ATP9B: variants seen among roughly 807,000 people sequenced by gnomAD.
ATP9B encodes the protein probable phospholipid-transporting ATPase IIB.
ATP9B carries 110 observed loss-of-function variants against 146.1 expected under a neutral mutation model. The observed-to-expected ratio is 0.75, with a 90% CI of 0.65 to 0.88. ATP9B has a LOEUF of 0.88. Among genes scored for constraint, ATP9B ranks in the 40% least tolerant of loss-of-function variants. The probability of loss-of-function intolerance (pLI) is 0.00; values close to 1 mark genes in which losing one functional copy is unlikely to be tolerated. For missense variants in ATP9B, 1,499 were observed against 1,496.4 expected, an observed-to-expected ratio of 1.00 and a Z score of -0.03; for synonymous variants, 604 against 569.7, an observed-to-expected ratio of 1.06 and a Z score of -0.86.
intron 6 of ATP9B, among the ~76,000 whole-genome samples, chr18:79,148,960 A>G (rs923499985): frequency 6.6e-6 from 1 of 152,208 alleles, no homozygotes; most frequent in African/African-American, 2.4e-5. Context: ...CAGTACTCTT[A>G]CAGTCATTGC....
intron 10 of ATP9B, 45 bp from the exon 11 acceptor site, chr18:79,213,917 C>T (rs778590745): frequency 3.7e-6 from 5 of 1,352,658 alleles, no homozygotes; most frequent in East Asian, 4.9e-5. Flanking sequence ...ATCTTTTACT[C>T]ATCTTTAAAG....
At position 79,374,078 on chromosome 18, in the gene ATP9B, T is replaced by G. The variant is rs774342732; in HGVS notation, c.3251T>G (p.Leu1084Arg). The G allele has an allele frequency of 5.6e-6, 9 of 1,614,130 alleles. No individual in the cohort carries two copies. The African/African-American group carries it at 1.2e-4, about 22-fold the overall frequency. Residue 1084 changes from leucine (L) to arginine (R), a missense_variant, in exon 28 of 30, where the codon CTC becomes CGC. Coordinates refer to ENST00000426216, the MANE Select transcript of ATP9B (RefSeq NM_198531.5). Reference protein sequence around the residue: ...FLSLGCYVSSLAFLNEYFGIG... With the variant: ...FLSLGCYVSSRAFLNEYFGIG... ...AGCTTAGGCTGCTACGTGTCCTCAC[T>G]CGCTTTTCTCAATGAATATTTTGGT...
rs910556676 is a variant in ATP9B at position 79,319,655 on chromosome 18, G to C, written c.1774-9486G>C. On this transcript the variant is annotated intron_variant, in intron 15 of 29. Coordinates refer to ENST00000426216, the MANE Select transcript of ATP9B (RefSeq NM_198531.5). Reference sequence around the variant, plus strand: ...CTCTCCCACGTTGATAGCACAAAAAGATTTAAGGAAACCGGCCTGAAGAAT... The same window carrying C: ...CTCTCCCACGTTGATAGCACAAAAACATTTAAGGAAACCGGCCTGAAGAAT... Among the ~76,000 whole-genome samples, 4 of 152,168 alleles carry C rather than the reference G, an allele frequency of 2.6e-5. No homozygotes were observed. The East Asian group carries it at 5.8e-4, about 22-fold the overall frequency.
chr18:79,343,491 T>G (rs767272828), intron 20 of ATP9B, among the ~76,000 whole-genome samples: 2 of 152,236 alleles, frequency 1.3e-5, no homozygotes, highest in Non-Finnish European at 2.9e-5. Context: ...GATTATGACT[T>G]ACTTTTACTC....
intron 26 of ATP9B, 62 bp downstream of exon 26, chr18:79,359,524 A>T: frequency 7.9e-7 from 1 of 1,260,136 alleles, no homozygotes; most frequent in Non-Finnish European, 1.2e-6. Context: ...ATTTTACACG[A>T]GTGAGAAACA....
intron 12 of ATP9B, among the ~76,000 whole-genome samples, chr18:79,265,353 T>C (rs773454708): frequency 6.6e-5 from 10 of 152,160 alleles, no homozygotes; most frequent in Admixed American, 1.3e-4. Flanking sequence ...TCCTTGTTGG[T>C]TGGGCTGGTC....
chr18:79,176,219 T>C (rs2095167281), intron 7 of ATP9B, among the ~76,000 whole-genome samples: 1 of 152,242 alleles, frequency 6.6e-6, no homozygotes, highest in Admixed American at 6.5e-5. Flanking sequence ...CATTTTGTGC[T>C]TTTGCTATTC....
At chr18:79,100,647 A>T (rs1244980658) in intron 2 of ATP9B, among the ~76,000 whole-genome samples, 2 of 152,194 alleles carry the variant, frequency 1.3e-5, no homozygotes, top group African/African-American at 4.8e-5. Context: ...TTGCAAAAAT[A>T]GTATAGAGGG....
intron 13 of ATP9B, among the ~76,000 whole-genome samples, chr18:79,293,328 A>G (rs2096525273): frequency 6.6e-6 from 1 of 152,124 alleles, no homozygotes; most frequent in Non-Finnish European, 1.5e-5. Flanking sequence ...TTGAAATGTC[A>G]TCCCCAGTGT....
intron 7 of ATP9B, among the ~76,000 whole-genome samples, chr18:79,173,899 A>C (rs2095118415): frequency 6.6e-6 from 1 of 152,186 alleles, no homozygotes; most frequent in Non-Finnish European, 1.5e-5. Flanking sequence ...TCTTCATGGG[A>C]CAATGATAGT....
chr18:79,116,785 G>A (rs1467989816), intron 4 of ATP9B, among the ~76,000 whole-genome samples: 1 of 85,610 alleles, frequency 1.2e-5, no homozygotes, highest in African/African-American at 4.6e-5. Flanking sequence ...GGTCGGGGGA[G>A]GGGGGAGGGA....
chr18:79,323,220 G>A (rs951963527), intron 15 of ATP9B, among the ~76,000 whole-genome samples: 4 of 151,866 alleles, frequency 2.6e-5, no homozygotes, highest in South Asian at 2.1e-4. Context: ...GTTGCTTCGC[G>A]TTAGTAATCC....
chr18:79,256,631 A>G (rs2096084204), intron 12 of ATP9B, among the ~76,000 whole-genome samples: 1 of 151,930 alleles, frequency 6.6e-6, no homozygotes. Context: ...TATTTAGTAA[A>G]GTTTAAAGTT....
At chr18:79,329,071 C>T (rs2096776159) in intron 15 of ATP9B, 70 bp from the exon 16 acceptor site, 2 of 1,404,050 alleles carry the variant, frequency 1.4e-6, no homozygotes, top group African/African-American at 2.9e-5. Context: ...CTGAGCACTG[C>T]CGTGCTGGCT....
chr18:79,252,262 C>G (rs566954349), intron 11 of ATP9B, among the ~76,000 whole-genome samples: 1 of 152,306 alleles, frequency 6.6e-6, no homozygotes, highest in East Asian at 1.9e-4. Context: ...GGAAAACATC[C>G]CAGAATCCCT....
At chr18:79,144,001 T>G in intron 6 of ATP9B, 141 bp downstream of exon 6, 1 of 498,492 alleles carries the variant, frequency 2.0e-6, no homozygotes, top group Non-Finnish European at 3.4e-6. Context: ...TTGTTGTATG[T>G]GAAGAAAAAT....
At chr18:79,133,428 A>T (rs1163414344) in intron 5 of ATP9B, among the ~76,000 whole-genome samples, 1 of 151,848 alleles carries the variant, frequency 6.6e-6, no homozygotes, top group Admixed American at 6.6e-5. Flanking sequence ...AACACCTTCC[A>T]TTTTTTATTA....
At chr18:79,306,370 C>T (rs747386652) in intron 14 of ATP9B, among the ~76,000 whole-genome samples, 5 of 152,176 alleles carry the variant, frequency 3.3e-5, no homozygotes, top group Non-Finnish European at 7.4e-5. Flanking sequence ...GAGCCAGGCA[C>T]ACACATAAGC....
At chr18:79,347,096 C>T (rs946091217) in intron 23 of ATP9B, among the ~76,000 whole-genome samples, 4 of 152,340 alleles carry the variant, frequency 2.6e-5, no homozygotes, top group East Asian at 1.9e-4. Context: ...CTGTTTTCCA[C>T]GCACCATTCT....
Sources: gnomAD v4.1 joint callset for allele counts (sites outside exome capture counted in the v4.1 genomes callset) on GRCh38, gnomAD v4.1.1 for gene constraint, MANE v1.5 for transcripts, NCBI Gene and HGNC (gene_info 2026-07-23, HGNC 2026-07-21) for gene names.